The following CCDC178 variants were observed in gnomAD, a reference collection of about 807,000 sequenced individuals.
The protein encoded by CCDC178 is coiled-coil domain-containing protein 178.
CCDC178 carries 126 observed loss-of-function variants against 117.4 expected under a neutral mutation model. The observed-to-expected ratio is 1.07, with a 90% CI of 0.93 to 1.24. The LOEUF (loss-of-function observed/expected upper bound fraction) is 1.24, where lower values mean the gene tolerates loss of function less well. Ranked by LOEUF, CCDC178 falls within the 50% of genes most tolerant of loss-of-function variation. The pLI is 0.00. For synonymous variants in CCDC178, 283 were observed against 313.4 expected (o/e 0.90, Z 1.02); for missense variants, 1,030 against 986.9 (o/e 1.04, Z -0.59).
At chr18:33,328,821 T>G (rs1355262323) in intron 10 of CCDC178, among the ~76,000 whole-genome samples, 1 of 152,176 alleles carries the variant, frequency 6.6e-6, no homozygotes, top group Non-Finnish European at 1.5e-5. Context: ...TAGGGTAGGC[T>G]TTTCCATTTC....
chr18:33,007,570 C>G (rs1015678680), intron 21 of CCDC178, among the ~76,000 whole-genome samples: 1 of 152,168 alleles, frequency 6.6e-6, no homozygotes, highest in Non-Finnish European at 1.5e-5. Context: ...GTCAAGGAAA[C>G]AGAATCCTGT....
intron 21 of CCDC178, among the ~76,000 whole-genome samples, chr18:33,032,133 G>T (rs1462735108): frequency 6.6e-6 from 1 of 152,100 alleles, no homozygotes; most frequent in Non-Finnish European, 1.5e-5. Flanking sequence ...GGCCTCTGGG[G>T]TGCTAGTGCT....
At chr18:33,309,804 G>A (rs567641865) in intron 11 of CCDC178, among the ~76,000 whole-genome samples, 41 of 151,992 alleles carry the variant, frequency 2.7e-4, no homozygotes, top group African/African-American at 8.7e-4. Flanking sequence ...TAGGAAAGAC[G>A]TAAAAGTGTT....
At chr18:33,308,301 G>T (rs761319856) in intron 11 of CCDC178, among the ~76,000 whole-genome samples, 3 of 152,166 alleles carry the variant, frequency 2.0e-5, no homozygotes, top group Non-Finnish European at 2.9e-5. Flanking sequence ...GGACTTTAAG[G>T]TTTAATGACT....
At chr18:33,208,227 C>T (rs1267299615) in intron 20 of CCDC178, among the ~76,000 whole-genome samples, 1 of 151,974 alleles carries the variant, frequency 6.6e-6, no homozygotes, top group Non-Finnish European at 1.5e-5. Context: ...ATTCATGTTA[C>T]AGTAAAATAG....
chr18:33,192,002 A>G (rs2058864600), intron 20 of CCDC178, among the ~76,000 whole-genome samples: 1 of 152,218 alleles, frequency 6.6e-6, no homozygotes, highest in Non-Finnish European at 1.5e-5. Flanking sequence ...AGAAACTGAT[A>G]ATGAATAAAT....
chr18:33,030,523 A>AGATAGAT (rs72318462), intron 21 of CCDC178, among the ~76,000 whole-genome samples: 1 of 18,328 alleles, frequency 5.5e-5, no homozygotes, highest in South Asian at 1.8e-3. Flanking sequence ...AACTGATAGA[A>AGATAGAT]GATAGATAGA....
intron 18 of CCDC178, among the ~76,000 whole-genome samples, chr18:33,216,203 C>T (rs2059163647): frequency 6.6e-6 from 1 of 152,086 alleles, no homozygotes; most frequent in African/African-American, 2.4e-5. Flanking sequence ...CCTTTCCAAA[C>T]ACACACCTAA....
rs200722018 is a variant in CCDC178 at position 33,226,881 on chromosome 18, G to A, written c.1594-26C>T. ...CTATATGTTAGGAAATTTTTAAAAT[G>A]AGGATTTTCTTCATAAAACATCAAA... On this transcript the variant is annotated intron_variant, in intron 15 of 22. Coordinates refer to ENST00000383096, the MANE Select transcript of CCDC178 (RefSeq NM_001105528.4). 182 of 1,336,492 alleles carry A rather than the reference G, an allele frequency of 1.4e-4. 1 individual carries two copies. In the African/African-American group the frequency reaches 2.5e-3, roughly 18 times the overall value. 82.8% of individuals were successfully genotyped at this position (1,336,492 alleles called of 1,614,324 possible). A position where few individuals can be genotyped will look rare whatever the true frequency, so the allele number is the denominator to read the frequency against.
At chr18:33,432,657 A>G (rs1301874254) in intron 2 of CCDC178, among the ~76,000 whole-genome samples, 1 of 152,152 alleles carries the variant, frequency 6.6e-6, no homozygotes, top group Non-Finnish European at 1.5e-5. Flanking sequence ...CTAAAGAAAG[A>G]CTGAATCTCC....
chr18:33,343,434 C>T (rs566304202), intron 9 of CCDC178, among the ~76,000 whole-genome samples: 19 of 152,254 alleles, frequency 1.2e-4, no homozygotes, highest in African/African-American at 3.6e-4. Context: ...ATTGGCTACA[C>T]GTTGGATGGC....
intron 19 of CCDC178, among the ~76,000 whole-genome samples, chr18:33,213,476 G>C (rs1484127609): frequency 6.6e-6 from 1 of 151,872 alleles, no homozygotes; most frequent in Non-Finnish European, 1.5e-5. Context: ...TTGGAGCAGA[G>C]AGAACCAATG....
chr18:33,291,172 G>A, intron 12 of CCDC178, among the ~76,000 whole-genome samples: 1 of 151,868 alleles, frequency 6.6e-6, no homozygotes, highest in East Asian at 1.9e-4. Flanking sequence ...TAATCTCAGG[G>A]GTGGGAAAAT....
intron 20 of CCDC178, among the ~76,000 whole-genome samples, chr18:33,190,560 A>C (rs1047495693): frequency 6.6e-6 from 1 of 152,232 alleles, no homozygotes; most frequent in Non-Finnish European, 1.5e-5. Flanking sequence ...CTGTGAAACC[A>C]GTCAATGAAA....
chr18:33,193,479 T>C (rs1391918576), intron 20 of CCDC178, among the ~76,000 whole-genome samples: 1 of 152,168 alleles, frequency 6.6e-6, no homozygotes, highest in Non-Finnish European at 1.5e-5. Flanking sequence ...TACTGTGGAA[T>C]GCTTCATTTG....
chr18:33,132,503 T>C (rs1425236704), intron 20 of CCDC178, among the ~76,000 whole-genome samples: 1 of 151,724 alleles, frequency 6.6e-6, no homozygotes, highest in Non-Finnish European at 1.5e-5. Context: ...TATATAATAA[T>C]ATTTGCACTT....
intron 15 of CCDC178, among the ~76,000 whole-genome samples, chr18:33,236,601 AAG>A (rs1378536015): frequency 7.9e-5 from 12 of 152,306 alleles, no homozygotes; most frequent in African/African-American, 2.9e-4. Context: ...TGCATGAATA[AAG>A]AGAGAAAGGG....
At chr18:33,246,589 A>G (rs2059551807) in intron 14 of CCDC178, among the ~76,000 whole-genome samples, 1 of 151,788 alleles carries the variant, frequency 6.6e-6, no homozygotes, top group Non-Finnish European at 1.5e-5. Context: ...AGCAGGAGAC[A>G]TAGCTAGGCT....
intron 21 of CCDC178, 95 bp downstream of exon 21, chr18:33,092,666 C>A: frequency 1.4e-6 from 1 of 708,580 alleles, no homozygotes; most frequent in Non-Finnish European, 2.4e-6. Flanking sequence ...TGGATATCAT[C>A]GTCAGATCAG....
Sources: gnomAD v4.1 joint callset for allele counts (sites outside exome capture counted in the v4.1 genomes callset) on GRCh38, gnomAD v4.1.1 for gene constraint, MANE v1.5 for transcripts, NCBI Gene and HGNC (gene_info 2026-07-23, HGNC 2026-07-21) for gene names.